MBNL1: variants seen among roughly 807,000 people sequenced by gnomAD.
MBNL1 encodes muscleblind-like protein 1.
Under a neutral mutation model 42.2 loss-of-function variants are expected in MBNL1, and 8 were observed. That is an observed-to-expected ratio of 0.19 (90% CI 0.11 to 0.34). The LOEUF (loss-of-function observed/expected upper bound fraction) is 0.34. MBNL1 is among the 10% of genes least tolerant of loss of function. MBNL1 has a pLI of 1.00. For missense variants in MBNL1, 309 were observed against 495.3 expected (o/e 0.62, Z 3.57); for synonymous variants, 169 against 173.9 (o/e 0.97, Z 0.22).
At chr3:152,401,705 A>G (rs2098228254) in intron 2 of MBNL1, among the ~76,000 whole-genome samples, 1 of 152,166 alleles carries the variant, frequency 6.6e-6, no homozygotes, top group Admixed American at 6.5e-5. Flanking sequence ...GTCCAGTGAA[A>G]GAGGCTTCGT....
intron 1 of MBNL1, among the ~76,000 whole-genome samples, chr3:152,291,416 A>T (rs1249177243): frequency 6.6e-6 from 1 of 152,196 alleles, no homozygotes. Context: ...TTTTAACTTC[A>T]TCGCCTCATG....
At chr3:152,343,236 A>G (rs1464300791) in intron 2 of MBNL1, among the ~76,000 whole-genome samples, 2 of 152,198 alleles carry the variant, frequency 1.3e-5, no homozygotes, top group East Asian at 3.9e-4. Flanking sequence ...CCTGTTAAGC[A>G]GATGATGGGA....
At chr3:152,337,817 C>T (rs1194403469) in intron 2 of MBNL1, among the ~76,000 whole-genome samples, 1 of 152,054 alleles carries the variant, frequency 6.6e-6, no homozygotes, top group Non-Finnish European at 1.5e-5. Context: ...CTGATCATAA[C>T]AGAAAGTGAT....
intron 2 of MBNL1, chr3:152,339,636 G>T (rs1313413250): frequency 6.6e-6 from 1 of 151,816 alleles, no homozygotes; most frequent in Non-Finnish European, 1.5e-5. Context: ...TCCTTAAATG[G>T]TTTCCCCTTG....
chr3:152,460,635 C>A (rs571956971), intron 9 of MBNL1, among the ~76,000 whole-genome samples: 30 of 149,200 alleles, frequency 2.0e-4, no homozygotes, highest in East Asian at 1.6e-3. Flanking sequence ...AAAAAAAAAA[C>A]CACTGTCTTA....
At chr3:152,332,606 G>A (rs895573243) in intron 2 of MBNL1, among the ~76,000 whole-genome samples, 5 of 152,160 alleles carry the variant, frequency 3.3e-5, no homozygotes, top group South Asian at 2.1e-4. Flanking sequence ...CCAAATGGCT[G>A]TATTTCTTAC....
At chr3:152,459,189 A>C (rs1414510543) in intron 8 of MBNL1, 82 bp from the exon 9 acceptor site, 4 of 703,996 alleles carry the variant, frequency 5.7e-6, no homozygotes, top group Non-Finnish European at 9.1e-6. Flanking sequence ...TTTCTTTAAA[A>C]ATTTAATATT....
chr3:152,417,634 C>G (rs933100217), intron 3 of MBNL1, among the ~76,000 whole-genome samples: 2 of 151,964 alleles, frequency 1.3e-5, no homozygotes, highest in Non-Finnish European at 2.9e-5. Flanking sequence ...AGTATTATGC[C>G]TGGCATATAG....
intron 2 of MBNL1, among the ~76,000 whole-genome samples, 164 bp from the exon 3 acceptor site, chr3:152,414,777 G>A (rs761896778): frequency 6.6e-6 from 1 of 152,070 alleles, no homozygotes; most frequent in Admixed American, 6.6e-5. Flanking sequence ...AGTACATTCT[G>A]GTGAATTCAT....
At chr3:152,350,222 GTAAC>G (rs1321719744) in intron 2 of MBNL1, among the ~76,000 whole-genome samples, 3 of 152,224 alleles carry the variant, frequency 2.0e-5, no homozygotes, top group Admixed American at 6.5e-5. Context: ...CATTCAGAAA[GTAAC>G]TAGTTATTCT....
chr3:152,401,684 A>C (rs2098227014), intron 2 of MBNL1, among the ~76,000 whole-genome samples: 1 of 152,142 alleles, frequency 6.6e-6, no homozygotes, highest in Non-Finnish European at 1.5e-5. Context: ...ATTGCACTAA[A>C]CTATACTATA....
chr3:152,418,144 C>T (rs1449469953), intron 3 of MBNL1, among the ~76,000 whole-genome samples: 2 of 152,126 alleles, frequency 1.3e-5, no homozygotes, highest in Non-Finnish European at 2.9e-5. Context: ...CTGCACTTGG[C>T]ACTTTTTGTA....
chr3:152,358,843 C>T (rs1466765909), intron 2 of MBNL1, among the ~76,000 whole-genome samples: 1 of 152,066 alleles, frequency 6.6e-6, no homozygotes, highest in African/African-American at 2.4e-5. Context: ...CTCCTGGGCT[C>T]AAGTGATCTT....
chr3:152,422,110 C>A (rs2098814951), intron 3 of MBNL1, among the ~76,000 whole-genome samples: 1 of 152,046 alleles, frequency 6.6e-6, no homozygotes, highest in African/African-American at 2.4e-5. Flanking sequence ...CAGGCTAAAT[C>A]TCTCAATTAA....
chr3:152,282,669 A>G (rs546126614), intron 1 of MBNL1, among the ~76,000 whole-genome samples: 1 of 152,306 alleles, frequency 6.6e-6, no homozygotes, highest in South Asian at 2.1e-4. Context: ...TAATTAAAAA[A>G]AAATTATTTA....
intron 1 of MBNL1, among the ~76,000 whole-genome samples, chr3:152,280,931 C>G (rs2048074364): frequency 6.6e-6 from 1 of 151,888 alleles, no homozygotes; most frequent in African/African-American, 2.4e-5. Context: ...TAAAGTTTTA[C>G]TATAAGATTT....
intron 1 of MBNL1, among the ~76,000 whole-genome samples, chr3:152,274,642 A>G (rs1267997115): frequency 6.6e-6 from 1 of 152,184 alleles, no homozygotes; most frequent in African/African-American, 2.4e-5. Context: ...TCTATTCAGC[A>G]ATGGTTCCAT....
chr3:152,255,510 T>A (rs2035328055), intron 2 of MBNL1, among the ~76,000 whole-genome samples: 1 of 152,072 alleles, frequency 6.6e-6, no homozygotes, highest in Non-Finnish European at 1.5e-5. Flanking sequence ...GAAGCTCTGT[T>A]TTCATTTTAA....
intron 2 of MBNL1, among the ~76,000 whole-genome samples, chr3:152,398,293 ATTCT>A (rs2098071504): frequency 1.3e-5 from 2 of 152,034 alleles, no homozygotes; most frequent in Admixed American, 1.3e-4. Flanking sequence ...CCATCTACTC[ATTCT>A]TTCTGTTTAT....
Sources: gnomAD v4.1 joint callset for allele counts (sites outside exome capture counted in the v4.1 genomes callset) on GRCh38, gnomAD v4.1.1 for gene constraint, MANE v1.5 for transcripts, NCBI Gene and HGNC (gene_info 2026-07-23, HGNC 2026-07-21) for gene names.